Variants in SMYD4 observed in about 807,000 individuals in gnomAD.
The protein encoded by SMYD4 is protein-lysine N-methyltransferase SMYD4.
Under a neutral mutation model 72.8 loss-of-function variants are expected in SMYD4, and 68 were observed. The ratio of observed to expected loss-of-function variants is 0.93; its 90% CI spans 0.77 to 1.14. The LOEUF (loss-of-function observed/expected upper bound fraction) is 1.14. Among genes scored for constraint, SMYD4 ranks in the 50% most tolerant of loss-of-function variants. The probability of loss-of-function intolerance (pLI) is 0.00; values close to 1 mark genes in which losing one functional copy is unlikely to be tolerated. For missense variants in SMYD4, 984 were observed against 1,003.7 expected (o/e 0.98, Z 0.27); for synonymous variants, 407 against 388.6 (o/e 1.05, Z -0.56).
chr17:1,787,453 A>C lies in SMYD4; in HGVS notation c.1689T>G (p.Ile563Met). Residue 563 changes from isoleucine (I) to methionine (M), a missense_variant, in exon 6 of 11, where the codon ATT becomes ATG. Physicochemically the swap from Ile to Met is conservative, Grantham distance 10. Coordinates refer to ENST00000305513, the MANE Select transcript of SMYD4 (RefSeq NM_052928.3). ...TVATIRASQR[I>M]RKGQEILHCY... ...AGTGGAGAATCTCTTGCCCCTTTCT[A>C]ATCCGCTGTGACGCCCGGATGGTGG... 1 of 1,560,782 alleles carries C rather than the reference A, an allele frequency of 6.4e-7. No individual in the cohort carries two copies. Among genetic ancestry groups the C allele is most frequent in the Admixed American group, 1.9e-5 (1 of 51,724 alleles).
intron 7 of SMYD4, 127 bp downstream of exon 7, chr17:1,786,682 TA>T: frequency 8.9e-7 from 1 of 1,118,012 alleles, no homozygotes; most frequent in Non-Finnish European, 1.3e-6. Flanking sequence ...GATGACTGGC[TA>T]AAATGGAGGT....
intron 2 of SMYD4, among the ~76,000 whole-genome samples, chr17:1,813,067 T>C (rs945550537): frequency 3.9e-5 from 6 of 152,120 alleles, no homozygotes; most frequent in African/African-American, 1.2e-4. Flanking sequence ...CCCTCCCGAG[T>C]AGCGGGGATT....
rs536259150 is a variant in SMYD4, at chr17:1,784,327, T to G, written c.2019A>C (p.Leu673=). Reference sequence around the variant, plus strand: ...ACCAAAGCAGGGAGCCAGTCTCACCTAGTTCACCATCTCTGAGAAGCTTCT... The same window carrying G: ...ACCAAAGCAGGGAGCCAGTCTCACCGAGTTCACCATCTCTGAGAAGCTTCT... ...VAQKLLRDGE[L]ERAVQRLSGC... The change falls in exon 8 of 11, where the codon CTA becomes CTC. Residue 673 remains leucine, a splice_region_variant and synonymous_variant. Coordinates refer to ENST00000305513, the MANE Select transcript of SMYD4 (RefSeq NM_052928.3). The G allele has an allele frequency of 6.2e-7, 1 of 1,614,204 alleles. No individual in the cohort carries two copies. The highest frequency in any genetic ancestry group is 1.3e-5 in the African/African-American group (1 of 75,048).
intron 10 of SMYD4, 86 bp from the exon 11 acceptor site, chr17:1,781,525 G>A: frequency 1.4e-6 from 2 of 1,444,010 alleles, no homozygotes; most frequent in South Asian, 2.6e-5. Flanking sequence ...CGTGAAGAAT[G>A]TAAGATCATT....
chr17:1,799,536 A>AT (rs1367788622), intron 5 of SMYD4, among the ~76,000 whole-genome samples: 1 of 151,432 alleles, frequency 6.6e-6, no homozygotes, highest in Non-Finnish European at 1.5e-5. Context: ...TGCCCAGCTA[A>AT]TTTTTTTATT....
chr17:1,811,971 C>T lies in SMYD4; in HGVS notation c.279G>A (p.Lys93=), dbSNP rs779550276. The T allele has an allele frequency of 3.1e-6, 5 of 1,611,346 alleles. No individual in the cohort carries two copies. In the African/African-American group the frequency reaches 4.0e-5, roughly 13 times the overall value. Residue 93 remains lysine (K), a splice_region_variant and synonymous_variant, in exon 3 of 11, where the codon AAG becomes AAA. Transcript: ENST00000305513. ...ATTGCTTGAGCTGGGAGTGTTTTAC[C>T]TTAGAGTACAGCACTGCAGCTCCTG... ...DYTGAAVLYS[K]GVSHSRPNTE... is the part of the protein sequence containing the mutation.
rs1291818005 is a variant in SMYD4 at position 1,794,105 on chromosome 17, A to ATATTTTTTTTT, written c.1537+5751_1537+5752insAAAAAAAAATA. 3.8e-4 allele frequency among the ~76,000 whole-genome samples: 5 copies of ATATTTTTTTTT among 12,992 alleles called. 1 individual carries two copies. Among genetic ancestry groups the ATATTTTTTTTT allele is most frequent in the Non-Finnish European group, 6.9e-4 (5 of 7,264 alleles). 8.5% of individuals were successfully genotyped at this position (12,992 alleles called of 152,430 possible). A position where few individuals can be genotyped will look rare whatever the true frequency, so the allele number is the denominator to read the frequency against. ...TGTATATATATATATATATATATAT[A>ATATTTTTTTTT]TTTTTTTTTTTTTTTTTTTTTTGAG... On this transcript the variant is annotated intron_variant, in intron 5 of 10. Transcript: ENST00000305513.
intron 5 of SMYD4, among the ~76,000 whole-genome samples, chr17:1,791,059 G>A (rs1469495161): frequency 6.7e-6 from 1 of 149,144 alleles, no homozygotes; most frequent in East Asian, 2.0e-4. Context: ...CCCGGGAGGT[G>A]GAGCTTGCAG....
At position 1,787,548 on chromosome 17, in the gene SMYD4, A is replaced by C; in HGVS notation, c.1594T>G (p.Phe532Val). 6.3e-7 allele frequency: 1 copy of C among 1,595,798 alleles called. No individual in the cohort carries two copies. Among genetic ancestry groups the C allele is most frequent in the Non-Finnish European group, 8.5e-7 (1 of 1,171,288 alleles). Residue 532 changes from phenylalanine to valine, a missense_variant, in exon 6 of 11, where the codon TTC becomes GTC. Phe to Val is a conservative substitution (Grantham distance 50). Coordinates refer to ENST00000305513, the MANE Select transcript of SMYD4 (RefSeq NM_052928.3). ...TGGTTCAGGAGGCTGATAACAGGGA[A>C]GATGCCTGTGGCAAGGCGCACCTGC... ...SRQVRLATGIFPVISLLNHSC... is the reference protein window; with the variant it reads ...SRQVRLATGIVPVISLLNHSC...
At chr17:1,828,194 CA>C (rs922797648) in intron 1 of SMYD4, among the ~76,000 whole-genome samples, 188 bp from the exon 2 acceptor site, 1 of 151,868 alleles carries the variant, frequency 6.6e-6, no homozygotes, top group Non-Finnish European at 1.5e-5. Context: ...ACTAAAACTA[CA>C]AAAAAATTAG....
In SMYD4 at chr17:1,818,791, C is replaced by T. The variant is rs939851600; in HGVS notation, c.135-6676G>A. On this transcript the variant is annotated intron_variant, in intron 2 of 10. Transcript: ENST00000305513. ...GAGTAGCTGGGACTATAGGCACGTA[C>T]TATCATGCGTGGCTAAATTACTTTT... Among the ~76,000 whole-genome samples, 70 of 151,996 alleles carry T rather than the reference C, an allele frequency of 4.6e-4. 1 individual carries two copies. The highest frequency in any genetic ancestry group is 1.7e-3 in the African/African-American group (69 of 41,464).
intron 2 of SMYD4, among the ~76,000 whole-genome samples, chr17:1,814,947 GTT>G (rs1025668240): frequency 6.6e-6 from 1 of 152,048 alleles, no homozygotes; most frequent in African/African-American, 2.4e-5. Flanking sequence ...TCTTTTTTCT[GTT>G]TTTGTTTTAA....
intron 5 of SMYD4, among the ~76,000 whole-genome samples, chr17:1,792,050 T>G (rs1732114120): frequency 6.6e-6 from 1 of 152,044 alleles, no homozygotes; most frequent in South Asian, 2.1e-4. Flanking sequence ...ACATTTTTTT[T>G]TTTTTTGAGA....
chr17:1,805,157 CTG>C (rs1260269653), intron 3 of SMYD4, among the ~76,000 whole-genome samples: 2 of 152,172 alleles, frequency 1.3e-5, no homozygotes, highest in Admixed American at 6.6e-5. Context: ...TGGCTCACGT[CTG>C]TAATTCCAGC....
At chr17:1,828,680 C>A (rs1271422872) in intron 1 of SMYD4, among the ~76,000 whole-genome samples, 1 of 151,590 alleles carries the variant, frequency 6.6e-6, no homozygotes, top group African/African-American at 2.4e-5. Flanking sequence ...TCACTGCACC[C>A]TCCGCCTCCC....
At chr17:1,811,376 T>G (rs1439704331) in intron 3 of SMYD4, among the ~76,000 whole-genome samples, 1 of 152,018 alleles carries the variant, frequency 6.6e-6, no homozygotes, top group African/African-American at 2.4e-5. Context: ...GGAGAAGGGG[T>G]CTCCCTATAT....
chr17:1,824,694 A>C (rs1026461759), intron 2 of SMYD4, among the ~76,000 whole-genome samples: 5 of 152,128 alleles, frequency 3.3e-5, no homozygotes, highest in African/African-American at 1.2e-4. Context: ...ATCTCAGCGC[A>C]CTGCACCCTC....
At chr17:1,822,127 G>A (rs1298331811) in intron 2 of SMYD4, among the ~76,000 whole-genome samples, 4 of 151,522 alleles carry the variant, frequency 2.6e-5, no homozygotes, top group South Asian at 4.2e-4. Flanking sequence ...CCAGCTACTC[G>A]GGAGACTGAG....
chr17:1,790,216 G>C (rs1449898841), intron 5 of SMYD4, among the ~76,000 whole-genome samples: 1 of 152,170 alleles, frequency 6.6e-6, no homozygotes, highest in Non-Finnish European at 1.5e-5. Flanking sequence ...TCACACTACA[G>C]TGAGTAATGT....
Sources: allele counts gnomAD v4.1 joint callset (sites outside exome capture counted in the v4.1 genomes callset), GRCh38; gene constraint gnomAD v4.1.1; transcripts MANE v1.5; gene names NCBI Gene and HGNC (gene_info 2026-07-23, HGNC 2026-07-21).